The following PCDHA4 variants were observed in gnomAD, a reference collection of about 807,000 sequenced individuals.
PCDHA4 encodes protocadherin alpha-4.
Under a neutral mutation model 61.4 loss-of-function variants are expected in PCDHA4, and 49 were observed. The ratio of observed to expected loss-of-function variants is 0.80; its 90% CI spans 0.63 to 1.01. The LOEUF (loss-of-function observed/expected upper bound fraction) is 1.01. Among genes scored for constraint, PCDHA4 ranks in the 50% least tolerant of loss-of-function variants. The pLI is 0.00. For synonymous variants in PCDHA4, 590 were observed against 550.3 expected (o/e 1.07, Z -1.01); for missense variants, 1,254 against 1,235.8 (o/e 1.01, Z -0.22).
At chr5:140,997,673 TG>T (rs1554255971) in intron 3 of PCDHA4, among the ~76,000 whole-genome samples, 41 of 149,136 alleles carry the variant, frequency 2.7e-4, no homozygotes, top group African/African-American at 9.9e-4. Context: ...ACAGCTTGTG[TG>T]TGTGTGTGTG....
chr5:140,932,824 G>A (rs1484280278), intron 1 of PCDHA4, among the ~76,000 whole-genome samples: 4 of 151,902 alleles, frequency 2.6e-5, no homozygotes, highest in Admixed American at 6.6e-5. Context: ...AAGTGGGAAA[G>A]TATTGACAAT....
chr5:140,838,125 T>C (rs1775553938), intron 1 of PCDHA4, among the ~76,000 whole-genome samples: 1 of 145,318 alleles, frequency 6.9e-6, no homozygotes, highest in Non-Finnish European at 1.5e-5. Flanking sequence ...TGTGTGTGTG[T>C]GTGTGTTTGA....
intron 1 of PCDHA4, chr5:140,823,610 C>T: frequency 6.2e-7 from 1 of 1,614,002 alleles, no homozygotes; most frequent in Non-Finnish European, 8.5e-7. Flanking sequence ...GAGCTGCAGC[C>T]AGCGCCTGGC....
intron 1 of PCDHA4, chr5:140,843,171 G>A: frequency 6.3e-7 from 1 of 1,596,072 alleles, no homozygotes; most frequent in Non-Finnish European, 8.6e-7. Context: ...GCTGCAAGCA[G>A]CCCTCGCATC....
rs781833658 is a variant in PCDHA4 at position 140,809,573 on chromosome 5, G to T, written c.2385+1G>T. On this transcript the variant is annotated splice_donor_variant, in intron 1 of 3. Transcript: ENST00000530339. LOFTEE classifies it high-confidence loss of function. ...GACAACTGAGGAATCCTTTGCAAAG[G>T]TTAGTGTATAACATCCTTTTGTTTA... The T allele has an allele frequency of 4.4e-6, 7 of 1,596,946 alleles. No homozygotes were observed. The highest frequency in any genetic ancestry group is 2.2e-5 in the East Asian group (1 of 44,632).
At chr5:140,849,627 G>C in intron 1 of PCDHA4, 1 of 1,598,784 alleles carries the variant, frequency 6.3e-7, no homozygotes, top group Non-Finnish European at 8.6e-7. Context: ...GATCGACCTA[G>C]ACGCAGATGC....
At chr5:140,894,405 C>T (rs1277416530) in intron 1 of PCDHA4, among the ~76,000 whole-genome samples, 4 of 151,926 alleles carry the variant, frequency 2.6e-5, no homozygotes, top group African/African-American at 9.7e-5. Flanking sequence ...CTTTGCTTTT[C>T]TTTTGTAGCT....
intron 1 of PCDHA4, among the ~76,000 whole-genome samples, chr5:140,826,033 A>G (rs1314307511): frequency 6.6e-6 from 1 of 152,110 alleles, no homozygotes; most frequent in Non-Finnish European, 1.5e-5. Context: ...TGAATTCCCT[A>G]TTTCTGTTGC....
chr5:140,822,962 T>C, intron 1 of PCDHA4: 1 of 1,614,240 alleles, frequency 6.2e-7, no homozygotes, highest in East Asian at 2.2e-5. Flanking sequence ...CCCTTCAAGC[T>C]GGTGTCCACC....
At chr5:140,992,761 A>G (rs1400429465) in intron 3 of PCDHA4, among the ~76,000 whole-genome samples, 1 of 152,180 alleles carries the variant, frequency 6.6e-6, no homozygotes, top group African/African-American at 2.4e-5. Flanking sequence ...TGTTGGGGAT[A>G]GGAGGGTGGG....
intron 1 of PCDHA4, chr5:140,867,873 G>A (rs1554161583): frequency 6.6e-6 from 1 of 152,056 alleles, no homozygotes; most frequent in East Asian, 1.9e-4. Flanking sequence ...AATTTTCTAT[G>A]TTTTAAGCAC....
intron 1 of PCDHA4, chr5:140,927,600 C>T (rs1179735453): frequency 1.9e-6 from 3 of 1,614,042 alleles, no homozygotes; most frequent in African/African-American, 1.3e-5. Flanking sequence ...TTGAGCGCTC[C>T]GTATACCGCA....
At position 140,843,574 on chromosome 5, in the gene PCDHA4, G is replaced by A. The variant is rs2150362915; in HGVS notation, c.2385+34002G>A. 1.8e-5 allele frequency: 28 copies of A among 1,595,908 alleles called. 3 individuals are homozygous for A. The highest frequency in any genetic ancestry group is 1.7e-4 in the Middle Eastern group (1 of 5,996). On this transcript the variant is annotated intron_variant, in intron 1 of 3. Coordinates refer to ENST00000530339, the MANE Select transcript of PCDHA4 (RefSeq NM_018907.4). ...GTGCGGTGGGGAGCTGGTCATACTCGCAACAACAGCCGCAGAGGGTGTGCT... is the reference window on the plus strand; with the variant it reads ...GTGCGGTGGGGAGCTGGTCATACTCACAACAACAGCCGCAGAGGGTGTGCT...
intron 1 of PCDHA4, chr5:140,849,381 GA>G: frequency 6.6e-7 from 1 of 1,514,878 alleles, no homozygotes; most frequent in African/African-American, 1.5e-5. Flanking sequence ...GTTCCACATG[GA>G]CCCCTTAAGT....
intron 1 of PCDHA4, among the ~76,000 whole-genome samples, chr5:140,957,190 A>G (rs2153712685): frequency 6.6e-6 from 1 of 152,294 alleles, no homozygotes; most frequent in South Asian, 2.1e-4. Context: ...TTGATGACCG[A>G]TTGGGAATAT....
intron 1 of PCDHA4, chr5:140,967,255 T>G (rs202164321): frequency 2.5e-6 from 4 of 1,613,342 alleles, no homozygotes; most frequent in Non-Finnish European, 3.4e-6. Context: ...CGGTGGCGCC[T>G]GGAGCGCGCT....
At chr5:140,902,558 T>G (rs2069554536) in intron 1 of PCDHA4, among the ~76,000 whole-genome samples, 2 of 152,242 alleles carry the variant, frequency 1.3e-5, no homozygotes, top group South Asian at 4.1e-4. Context: ...ACCCAGATTT[T>G]TGAGGGTTTT....
chr5:140,890,528 C>T (rs1329794711), intron 1 of PCDHA4, among the ~76,000 whole-genome samples: 3 of 152,060 alleles, frequency 2.0e-5, no homozygotes, highest in South Asian at 2.1e-4. Flanking sequence ...CTTTGTTGAT[C>T]TTCTTTTGAA....
rs566700844 is a variant in PCDHA4, at chr5:140,926,191, C to T, written c.2386-52758C>T. On this transcript the variant is annotated intron_variant, in intron 1 of 3. Coordinates refer to ENST00000530339, the MANE Select transcript of PCDHA4 (RefSeq NM_018907.4). Reference sequence around the variant, plus strand: ...CCAGCGCGGAAAGCCCCCCGCAGCACTTCTTTCGGGGGGCTCCTGTTTCCT... The same window carrying T: ...CCAGCGCGGAAAGCCCCCCGCAGCATTTCTTTCGGGGGGCTCCTGTTTCCT... Among the ~76,000 whole-genome samples the T allele has an allele frequency of 8.1e-3, 1,227 of 151,838 alleles. 6 individuals carry two copies. Among genetic ancestry groups the T allele is most frequent in the African/African-American group, 0.019 (793 of 41,542 alleles).
Sources: gnomAD v4.1 joint callset for allele counts (sites outside exome capture counted in the v4.1 genomes callset) on GRCh38, gnomAD v4.1.1 for gene constraint, MANE v1.5 for transcripts, NCBI Gene and HGNC (gene_info 2026-07-23, HGNC 2026-07-21) for gene names.